Variants in ERO1A observed in about 807,000 individuals in gnomAD.
ERO1A encodes the protein endoplasmic reticulum oxidoreductase 1 alpha, also known as ERO1-like protein alpha.
In ERO1A, 49 loss-of-function variants were observed where a neutral mutation model predicts 76.9. The ratio of observed to expected loss-of-function variants is 0.64; its 90% CI spans 0.51 to 0.81. The LOEUF (loss-of-function observed/expected upper bound fraction) is 0.81. Among genes scored for constraint, ERO1A ranks in the 30% least tolerant of loss-of-function variants. ERO1A has a pLI of 0.00. For missense variants in ERO1A, 448 were observed against 542.1 expected, an observed-to-expected ratio of 0.83 and a Z score of 1.72; for synonymous variants, 174 against 181.2, an observed-to-expected ratio of 0.96 and a Z score of 0.32.
intron 1 of ERO1A, among the ~76,000 whole-genome samples, chr14:52,691,765 C>T (rs1157159732): frequency 6.6e-6 from 1 of 152,180 alleles, no homozygotes; most frequent in Non-Finnish European, 1.5e-5. Flanking sequence ...GTGTTACTAG[C>T]ACTAGCCATA....
Position 52,669,791 on chromosome 14 carries a change from C to T in ERO1A, c.508+1839G>A, listed in dbSNP as rs543208390. Among the ~76,000 whole-genome samples, 4 of 152,250 alleles carry T rather than the reference C, an allele frequency of 2.6e-5. No individual in the cohort carries two copies. In the South Asian group the frequency reaches 6.2e-4, roughly 24 times the overall value. ...CTAAGTATATACCAAAACATGGCTA[C>T]GGTTTCCATTAAGGAAAGCAATTTT... On this transcript the variant is annotated intron_variant, in intron 6 of 15. Coordinates refer to ENST00000395686, the MANE Select transcript of ERO1A (RefSeq NM_014584.3).
intron 13 of ERO1A, chr14:52,646,785 A>G (rs1281334310): frequency 4.8e-6 from 1 of 206,984 alleles, no homozygotes; most frequent in African/African-American, 2.3e-5. Context: ...TCTGACTCCA[A>G]AGCTAAACTA....
At chr14:52,670,807 G>A (rs1204739392) in intron 6 of ERO1A, among the ~76,000 whole-genome samples, 2 of 152,060 alleles carry the variant, frequency 1.3e-5, no homozygotes, top group Non-Finnish European at 2.9e-5. Context: ...AACTTAAGAG[G>A]TACATTTTTT....
intron 12 of ERO1A, 65 bp downstream of exon 12, chr14:52,653,004 A>T: frequency 7.8e-7 from 1 of 1,273,904 alleles, no homozygotes; most frequent in South Asian, 1.4e-5. Context: ...CAAAAAAAAA[A>T]AAATTTATCT....
chr14:52,675,858 T>C (rs1446441257), intron 4 of ERO1A, among the ~76,000 whole-genome samples: 1 of 152,150 alleles, frequency 6.6e-6, no homozygotes, highest in Non-Finnish European at 1.5e-5. Flanking sequence ...ACCACAACTG[T>C]ATTTTTTGTA....
intron 4 of ERO1A, 172 bp downstream of exon 4, chr14:52,678,262 T>A (rs1481761841): frequency 4.4e-6 from 2 of 456,618 alleles, no homozygotes; most frequent in East Asian, 3.4e-5. Context: ...ATAAAATACA[T>A]AAAAAATAAA....
At chr14:52,676,764 G>A (rs975341587) in intron 4 of ERO1A, among the ~76,000 whole-genome samples, 1 of 151,710 alleles carries the variant, frequency 6.6e-6, no homozygotes, top group East Asian at 1.9e-4. Context: ...GCTGAGTGTC[G>A]TGGCTCACAC....
chr14:52,649,352 A>T (rs1379721253), intron 13 of ERO1A, among the ~76,000 whole-genome samples: 2 of 152,210 alleles, frequency 1.3e-5, no homozygotes, highest in Non-Finnish European at 1.5e-5. Context: ...CTAAGGAAAC[A>T]AGATGAGATT....
chr14:52,664,198 T>C (rs964677071), intron 7 of ERO1A: 1 of 156,716 alleles, frequency 6.4e-6, no homozygotes, highest in Non-Finnish European at 1.4e-5. Context: ...GCACAAAGTG[T>C]ACCCCTAAAT....
At chr14:52,669,833 C>T (rs1311788476) in intron 6 of ERO1A, among the ~76,000 whole-genome samples, 2 of 152,188 alleles carry the variant, frequency 1.3e-5, no homozygotes, top group Non-Finnish European at 1.5e-5. Flanking sequence ...AAAGAAGCCA[C>T]AAAATTAAAA....
At chr14:52,676,434 G>T (rs925896689) in intron 4 of ERO1A, among the ~76,000 whole-genome samples, 2 of 152,160 alleles carry the variant, frequency 1.3e-5, no homozygotes, top group Admixed American at 1.3e-4. Flanking sequence ...AATATTGTGG[G>T]TATGATACAG....
chr14:52,653,390 G>A lies in ERO1A; in HGVS notation c.809-75C>T, dbSNP rs543777612. 1.1e-5 allele frequency: 12 copies of A among 1,135,386 alleles called. No homozygotes were observed. In the African/African-American group the frequency reaches 1.7e-4, roughly 16 times the overall value. The allele number at this position is 1,135,386 out of a possible 1,614,324, so 70.3% of individuals were successfully genotyped here. ...ACTTTAATTATATTAGGTTATTCAT[G>A]CCTATAGAAGTTAATTTCATTTTGC... is the stretch of plus-strand genomic sequence containing the variant. On this transcript the variant is annotated intron_variant, in intron 11 of 15. Transcript: ENST00000395686.
At chr14:52,672,973 T>C (rs1594829903) in intron 4 of ERO1A, among the ~76,000 whole-genome samples, 1 of 152,158 alleles carries the variant, frequency 6.6e-6, no homozygotes, top group East Asian at 1.9e-4. Context: ...CATTTCAGAA[T>C]ACAATTTCTG....
intron 4 of ERO1A, among the ~76,000 whole-genome samples, chr14:52,675,076 T>C (rs2040734329): frequency 6.6e-6 from 1 of 152,070 alleles, no homozygotes; most frequent in South Asian, 2.1e-4. Flanking sequence ...TGTGGTAAAG[T>C]GAGTTTATTA....
chr14:52,674,218 ATT>A (rs938774228), intron 4 of ERO1A, among the ~76,000 whole-genome samples: 1 of 151,624 alleles, frequency 6.6e-6, no homozygotes, highest in Non-Finnish European at 1.5e-5. Context: ...AAATCGAACA[ATT>A]TTTTTTTCTC....
intron 9 of ERO1A, among the ~76,000 whole-genome samples, chr14:52,659,049 A>G (rs989701906): frequency 5.9e-5 from 9 of 152,184 alleles, no homozygotes; most frequent in Admixed American, 6.5e-5. Flanking sequence ...AACTCAAAAC[A>G]TCTATTTGTC....
At chr14:52,645,000 G>A (rs1454767729) in intron 15 of ERO1A, among the ~76,000 whole-genome samples, 1 of 152,116 alleles carries the variant, frequency 6.6e-6, no homozygotes, top group Non-Finnish European at 1.5e-5. Context: ...TGATAGGCCA[G>A]AAGGAAATGC....
intron 1 of ERO1A, among the ~76,000 whole-genome samples, chr14:52,694,253 T>C (rs2041467185): frequency 6.6e-6 from 1 of 152,216 alleles, no homozygotes; most frequent in Non-Finnish European, 1.5e-5. Flanking sequence ...TGTGTGTCCT[T>C]TGTAATGATT....
intron 2 of ERO1A, among the ~76,000 whole-genome samples, chr14:52,683,016 T>C (rs2041050568): frequency 6.6e-6 from 1 of 151,894 alleles, no homozygotes; most frequent in South Asian, 2.1e-4. Context: ...AAGACCAGCC[T>C]GGCCAGCACG....
Sources: gnomAD v4.1 joint callset for allele counts (sites outside exome capture counted in the v4.1 genomes callset) on GRCh38, gnomAD v4.1.1 for gene constraint, MANE v1.5 for transcripts, NCBI Gene and HGNC (gene_info 2026-07-23, HGNC 2026-07-21) for gene names.